The following SLC2A13 variants were observed in gnomAD, a reference collection of about 807,000 sequenced individuals.
The protein encoded by SLC2A13 is solute carrier family 2 member 13.
In SLC2A13, 32 loss-of-function variants were observed where a neutral mutation model predicts 64.4. The observed-to-expected ratio is 0.50, with a 90% CI of 0.37 to 0.67. SLC2A13 has a LOEUF of 0.67. Among genes scored for constraint, SLC2A13 ranks in the 30% least tolerant of loss-of-function variants. The pLI, the probability that SLC2A13 is intolerant of heterozygous loss-of-function variation, is 0.00. For synonymous variants in SLC2A13, 338 were observed against 327.1 expected (o/e 1.03, Z -0.36); for missense variants, 743 against 829.2 (o/e 0.90, Z 1.28).
intron 4 of SLC2A13, among the ~76,000 whole-genome samples, chr12:39,902,227 T>G (rs1360579243): frequency 1.3e-5 from 2 of 148,254 alleles, no homozygotes; most frequent in Non-Finnish European, 3.0e-5. Flanking sequence ...CATTAGGAGA[T>G]ATACCTAATG....
chr12:39,891,471 T>C (rs933140664), intron 4 of SLC2A13, among the ~76,000 whole-genome samples: 2 of 152,170 alleles, frequency 1.3e-5, no homozygotes, highest in African/African-American at 4.8e-5. Flanking sequence ...GCTTGTGATT[T>C]ATCTTAAGAA....
intron 7 of SLC2A13, among the ~76,000 whole-genome samples, chr12:39,814,580 T>C (rs1042374068): frequency 1.3e-5 from 2 of 152,172 alleles, no homozygotes; most frequent in African/African-American, 2.4e-5. Context: ...AAGGAACTCC[T>C]CTTTTATGGT....
In SLC2A13 at chr12:39,818,276, GA is replaced by G. The variant is rs988766815; in HGVS notation, c.1445+11826del. Among the ~76,000 whole-genome samples the G allele has an allele frequency of 1.6e-3, 244 of 148,718 alleles. 1 individual carries two copies. Among genetic ancestry groups the G allele is most frequent in the African/African-American group, 5.4e-3 (218 of 40,492 alleles). On this transcript the variant is annotated intron_variant, in intron 7 of 9. Coordinates refer to ENST00000280871, the MANE Select transcript of SLC2A13 (RefSeq NM_052885.4). ...TTGAAACTTTTCTGTGAAGTCACAG[GA>G]AAAAAAAAATGAGTTGGGGGGAGGG...
intron 4 of SLC2A13, among the ~76,000 whole-genome samples, chr12:39,920,269 TAA>T (rs1945592969): frequency 6.6e-6 from 1 of 152,152 alleles, no homozygotes. Flanking sequence ...GTGTATGTAA[TAA>T]GAGACTGCGA....
chr12:39,955,196 AG>A (rs758081465), intron 3 of SLC2A13, among the ~76,000 whole-genome samples: 4 of 152,230 alleles, frequency 2.6e-5, no homozygotes, highest in Non-Finnish European at 5.9e-5. Context: ...AAATTAACAT[AG>A]AAATCAGTAA....
At chr12:39,879,591 T>C (rs2135955651) in intron 4 of SLC2A13, among the ~76,000 whole-genome samples, 1 of 152,346 alleles carries the variant, frequency 6.6e-6, no homozygotes, top group African/African-American at 2.4e-5. Flanking sequence ...CTGTACCCCC[T>C]TTCTTCCTTT....
intron 4 of SLC2A13, among the ~76,000 whole-genome samples, chr12:39,885,919 G>C (rs1271701300): frequency 6.6e-6 from 1 of 152,078 alleles, no homozygotes; most frequent in Non-Finnish European, 1.5e-5. Context: ...AAAAAAGTCA[G>C]GTTTTGTGAC....
chr12:39,798,989 T>C (rs1172883292), intron 7 of SLC2A13, among the ~76,000 whole-genome samples: 3 of 151,606 alleles, frequency 2.0e-5, no homozygotes, highest in Non-Finnish European at 2.9e-5. Context: ...GTGTTGCTTG[T>C]TTTGAACAAT....
At chr12:40,073,054 T>C (rs1262231378) in intron 1 of SLC2A13, among the ~76,000 whole-genome samples, 1 of 152,082 alleles carries the variant, frequency 6.6e-6, no homozygotes, top group Non-Finnish European at 1.5e-5. Context: ...GCCCTAGAGT[T>C]TGCAATATAC....
intron 7 of SLC2A13, among the ~76,000 whole-genome samples, chr12:39,768,137 A>T (rs1189795625): frequency 1.3e-5 from 2 of 152,068 alleles, no homozygotes; most frequent in Non-Finnish European, 2.9e-5. Context: ...TTCTTTCCTT[A>T]AACCTCATGA....
intron 3 of SLC2A13, among the ~76,000 whole-genome samples, chr12:39,996,976 AT>A (rs1419953531): frequency 6.6e-6 from 1 of 152,180 alleles, no homozygotes; most frequent in Non-Finnish European, 1.5e-5. Context: ...CAATTTACAA[AT>A]TCAATGCAAT....
intron 6 of SLC2A13, among the ~76,000 whole-genome samples, chr12:39,843,971 G>A (rs1452699411): frequency 6.6e-6 from 1 of 151,844 alleles, no homozygotes; most frequent in Non-Finnish European, 1.5e-5. Context: ...CATTATATTG[G>A]TGACACACTC....
intron 7 of SLC2A13, among the ~76,000 whole-genome samples, chr12:39,801,698 G>T (rs1456653797): frequency 6.6e-6 from 1 of 152,116 alleles, no homozygotes; most frequent in African/African-American, 2.4e-5. Context: ...CTGAATTTTA[G>T]CAAATTATTT....
intron 7 of SLC2A13, among the ~76,000 whole-genome samples, chr12:39,825,271 G>C (rs1942638606): frequency 6.6e-6 from 1 of 152,102 alleles, no homozygotes; most frequent in Admixed American, 6.6e-5. Context: ...TATATATGGA[G>C]AGTCAGGAGG....
intron 3 of SLC2A13, among the ~76,000 whole-genome samples, chr12:40,021,568 T>G (rs1263189201): frequency 6.6e-6 from 1 of 152,196 alleles, no homozygotes; most frequent in South Asian, 2.1e-4. Context: ...CTTTGACAAT[T>G]TTTGGAATTT....
intron 7 of SLC2A13, among the ~76,000 whole-genome samples, chr12:39,822,141 T>G (rs1942536473): frequency 7.0e-6 from 1 of 142,622 alleles, no homozygotes; most frequent in African/African-American, 2.6e-5. Flanking sequence ...CATTGTTCAA[T>G]TCCCACCTAT....
chr12:39,985,104 T>C (rs1373131542), intron 3 of SLC2A13, among the ~76,000 whole-genome samples: 3 of 152,150 alleles, frequency 2.0e-5, no homozygotes, highest in Non-Finnish European at 2.9e-5. Flanking sequence ...TAGTAATACA[T>C]GGTTAATGTT....
chr12:39,900,577 T>C (rs529973319), intron 4 of SLC2A13, among the ~76,000 whole-genome samples: 18 of 152,184 alleles, frequency 1.2e-4, no homozygotes, highest in African/African-American at 3.4e-4. Flanking sequence ...ATGAGTGAAC[T>C]CCTATTCACA....
At chr12:40,033,829 A>G (rs1947939117) in intron 2 of SLC2A13, among the ~76,000 whole-genome samples, 1 of 152,236 alleles carries the variant, frequency 6.6e-6, no homozygotes, top group Admixed American at 6.5e-5. Context: ...TGATCCTTTG[A>G]AAATATTTTC....
Sources: allele counts gnomAD v4.1 joint callset (sites outside exome capture counted in the v4.1 genomes callset), GRCh38; gene constraint gnomAD v4.1.1; transcripts MANE v1.5; gene names NCBI Gene and HGNC (gene_info 2026-07-23, HGNC 2026-07-21).